Variants in PDE4A observed in about 807,000 individuals in gnomAD.
PDE4A encodes phosphodiesterase 4A.
Under a neutral mutation model 73.9 loss-of-function variants are expected in PDE4A, and 21 were observed. That is an observed-to-expected ratio of 0.28 (90% CI 0.20 to 0.41). The LOEUF (loss-of-function observed/expected upper bound fraction) is 0.41, where lower values mean the gene tolerates loss of function less well. Ranked by LOEUF, PDE4A falls within the 10% of genes least tolerant of loss-of-function variation. PDE4A has a pLI of 1.00. For missense variants in PDE4A, 958 were observed against 1,211.4 expected, an observed-to-expected ratio of 0.79 and a Z score of 3.10; for synonymous variants, 463 against 505.4, an observed-to-expected ratio of 0.92 and a Z score of 1.13.
In PDE4A at chr19:10,467,348, C is replaced by T. The variant is rs1195094181; in HGVS notation, c.2388C>T (p.Phe796=). Reference sequence around the variant, plus strand: ...GTGCACCTGTGGCTCCGGATGAGTTCTCGTCCCGGGAGGAATTCGTGGTTG... The same window carrying T: ...GTGCACCTGTGGCTCCGGATGAGTTTTCGTCCCGGGAGGAATTCGTGGTTG... ...TGSAPVAPDE[F]SSREEFVVAV... Residue 796 remains phenylalanine, a synonymous_variant, in exon 15 of 15, where the codon TTC becomes TTT. Transcript: ENST00000380702. 1 of 1,614,200 alleles carries T rather than the reference C, an allele frequency of 6.2e-7. No individual in the cohort carries two copies. The highest frequency in any genetic ancestry group is 1.3e-5 in the African/African-American group (1 of 75,070).
chr19:10,429,582 C>T (rs1287842254), intron 1 of PDE4A, among the ~76,000 whole-genome samples: 3 of 152,166 alleles, frequency 2.0e-5, no homozygotes, highest in African/African-American at 7.2e-5. Context: ...AAGTGATCCG[C>T]CCACCTTCAC....
chr19:10,447,690 C>T (rs1401178113), intron 2 of PDE4A, among the ~76,000 whole-genome samples: 1 of 152,090 alleles, frequency 6.6e-6, no homozygotes, highest in African/African-American at 2.4e-5. Context: ...ATAGCATGTC[C>T]AGCCAGAAAG....
intron 7 of PDE4A, among the ~76,000 whole-genome samples, chr19:10,457,575 G>T (rs111324385): frequency 0.028 from 4,250 of 151,996 alleles, 197 homozygotes; most frequent in African/African-American, 0.098. Context: ...TTCGGGGTAG[G>T]CAGCGGCTCT....
chr19:10,443,091 A>T (rs2042960024), intron 1 of PDE4A, among the ~76,000 whole-genome samples: 1 of 151,780 alleles, frequency 6.6e-6, no homozygotes, highest in Admixed American at 6.6e-5. Context: ...AGGTGGGGGG[A>T]TCGCTAGAGT....
Position 10,467,110 on chromosome 19 carries a change from A to G in PDE4A, c.2150A>G (p.Glu717Gly). 6.2e-7 allele frequency: 1 copy of G among 1,614,174 alleles called. No individual in the cohort carries two copies. The highest frequency in any genetic ancestry group is 1.6e-4 in the Middle Eastern group (1 of 6,062). ...FQFELTLEEE[E>G]EEEISMAQIP... ...TTTGAGCTGACGCTGGAGGAGGAAG[A>G]GGAGGAAGAAATATCAATGGCCCAG... The change falls in exon 15 of 15, where the codon GAG becomes GGG. Residue 717 changes from glutamate to glycine, a missense_variant. Coordinates refer to ENST00000380702, the MANE Select transcript of PDE4A (RefSeq NM_001111307.2).
At chr19:10,428,355 C>A (rs926893657) in intron 1 of PDE4A, among the ~76,000 whole-genome samples, 9 of 107,102 alleles carry the variant, frequency 8.4e-5, no homozygotes, top group African/African-American at 2.7e-4. Context: ...GAGATCCTGT[C>A]TCGAGAGAGA....
chr19:10,465,479 C>G (rs1196205203), intron 14 of PDE4A, among the ~76,000 whole-genome samples: 1 of 151,922 alleles, frequency 6.6e-6, no homozygotes, highest in African/African-American at 2.4e-5. Flanking sequence ...CTCGGCCTCC[C>G]AAAGTGCTGG....
chr19:10,443,920 T>C (rs1406195984), intron 1 of PDE4A, among the ~76,000 whole-genome samples: 2 of 151,018 alleles, frequency 1.3e-5, no homozygotes, highest in African/African-American at 4.9e-5. Flanking sequence ...GGCAGGAGAA[T>C]TGATTGAGCC....
chr19:10,465,683 CTTTTTTTTTTTTTTTTTTTTTTTT>C (rs749126870), intron 14 of PDE4A, among the ~76,000 whole-genome samples: 1 of 48,380 alleles, frequency 2.1e-5, no homozygotes, highest in East Asian at 6.3e-4. Flanking sequence ...GTGGCTTTAG[CTTTTTTTTTTTTTTTTTTTTTTTT>C]TTTTTTTTTT....
rs1334947201 is a variant in PDE4A at position 10,467,509 on chromosome 19, G to A, written c.2549G>A (p.Arg850Gln). ...PSTAAEVEAQ[R>Q]EHQAAKRACS... ...ACGGCGGCCGAGGTGGAGGCCCAAC[G>A]AGAGCACCAGGCTGCCAAGAGGGCT... The change falls in exon 15 of 15, where the codon CGA (arginine) becomes CAA (glutamine). Residue 850 changes from arginine (R) to glutamine (Q), a missense_variant. Physicochemically the swap from Arg to Gln is conservative, Grantham distance 43. Coordinates refer to ENST00000380702, the MANE Select transcript of PDE4A (RefSeq NM_001111307.2). 8.1e-6 allele frequency: 13 copies of A among 1,612,690 alleles called. No individual in the cohort carries two copies. Among genetic ancestry groups the A allele is most frequent in the Middle Eastern group, 1.6e-4 (1 of 6,074 alleles).
chr19:10,466,846 C>T, intron 14 of PDE4A, 41 bp from the exon 15 acceptor site: 1 of 1,590,536 alleles, frequency 6.3e-7, no homozygotes, highest in Middle Eastern at 1.7e-4. Flanking sequence ...GTATCATCCA[C>T]CCCATAGGCC....
At chr19:10,433,445 C>T (rs1160119041) in intron 1 of PDE4A, among the ~76,000 whole-genome samples, 5 of 152,146 alleles carry the variant, frequency 3.3e-5, no homozygotes, top group African/African-American at 1.2e-4. Flanking sequence ...GCACCAGATA[C>T]ACACAGGAAC....
intron 1 of PDE4A, chr19:10,427,359 G>A (rs2042730913): frequency 3.0e-6 from 1 of 335,372 alleles, no homozygotes; most frequent in South Asian, 1.2e-4. Context: ...GTGCCAACCA[G>A]AGGGAAGAGC....
chr19:10,427,360 A>C (rs1294244689), intron 1 of PDE4A: 2 of 337,176 alleles, frequency 5.9e-6, no homozygotes, highest in African/African-American at 4.5e-5. Context: ...TGCCAACCAG[A>C]GGGAAGAGCC....
At chr19:10,430,024 C>T (rs1179305718) in intron 1 of PDE4A, among the ~76,000 whole-genome samples, 1 of 151,674 alleles carries the variant, frequency 6.6e-6, no homozygotes, top group African/African-American at 2.4e-5. Flanking sequence ...ATGAAAATGG[C>T]TCTGTGGGTG....
intron 1 of PDE4A, among the ~76,000 whole-genome samples, chr19:10,437,039 A>AAAATAAAT (rs138679319): frequency 9.8e-4 from 149 of 152,218 alleles, no homozygotes; most frequent in African/African-American, 3.4e-3. Flanking sequence ...CTCCATCTCA[A>AAAATAAAT]AAATAAATAA....
intron 1 of PDE4A, among the ~76,000 whole-genome samples, chr19:10,445,245 TC>T (rs1330022813): frequency 6.6e-6 from 1 of 152,172 alleles, no homozygotes; most frequent in Non-Finnish European, 1.5e-5. Flanking sequence ...ATGCAACCAG[TC>T]CTGGCTGAGG....
Position 10,425,675 on chromosome 19 carries a change from C to CATTGTGG in PDE4A, c.320+4593_320+4599dup, listed in dbSNP as rs377059266. Among the ~76,000 whole-genome samples the CATTGTGG allele has an allele frequency of 3.2e-3, 481 of 152,280 alleles. 1 individual carries two copies. Among genetic ancestry groups the CATTGTGG allele is most frequent in the South Asian group, 8.5e-3 (41 of 4,832 alleles). On this transcript the variant is annotated intron_variant, in intron 1 of 14. Coordinates refer to ENST00000380702, the MANE Select transcript of PDE4A (RefSeq NM_001111307.2). The stretch of plus-strand genomic sequence containing the variant: ...TGAGGGCATCTGAGCCCACTCTTTT[C>CATTGTGG]ATTGTGGAGTATGAAAGAGTTCAAA...
intron 13 of PDE4A, among the ~76,000 whole-genome samples, chr19:10,463,036 T>G (rs536015275): frequency 6.6e-6 from 1 of 151,950 alleles, no homozygotes. Context: ...TTCCTTTCCT[T>G]TCCTGTCCTG....
Sources: gnomAD v4.1 joint callset for allele counts (sites outside exome capture counted in the v4.1 genomes callset) on GRCh38, gnomAD v4.1.1 for gene constraint, MANE v1.5 for transcripts, NCBI Gene and HGNC (gene_info 2026-07-23, HGNC 2026-07-21) for gene names.